Variants in OTUD7A observed in about 807,000 individuals in gnomAD.
OTUD7A encodes OTU deubiquitinase 7A, also known as OTU domain-containing protein 7A.
OTUD7A carries 12 observed loss-of-function variants against 65.7 expected under a neutral mutation model. The observed-to-expected ratio is 0.18, with a 90% CI of 0.12 to 0.30. The LOEUF (loss-of-function observed/expected upper bound fraction) is 0.30, where lower values mean the gene tolerates loss of function less well. Ranked by LOEUF, OTUD7A falls within the 10% of genes least tolerant of loss-of-function variation. The pLI, the probability that OTUD7A is intolerant of heterozygous loss-of-function variation, is 1.00. For synonymous variants in OTUD7A, 641 were observed against 586.3 expected (o/e 1.09, Z -1.35); for missense variants, 1,148 against 1,304.8 (o/e 0.88, Z 1.85).
intron 1 of OTUD7A, among the ~76,000 whole-genome samples, chr15:31,824,463 C>A (rs905756675): frequency 3.3e-5 from 5 of 152,152 alleles, no homozygotes; most frequent in African/African-American, 1.2e-4. Context: ...ACAAGACAGC[C>A]AAACAGAAAG....
In OTUD7A at chr15:31,483,989, G is replaced by A. The variant is rs2041185654; in HGVS notation, c.2107C>T (p.Arg703Cys). ...AAAATAKRPPRRPETEGVPVP... is the reference protein window; with the variant it reads ...AAAATAKRPPCRPETEGVPVP... ...GGCACGCCCTCCGTCTCCGGTCTGC[G>A]CGGCGGCCGCTTGGCCGTGGCGGCG... The change falls in exon 13 of 13, where the codon CGC (arginine) becomes TGC (cysteine). Residue 703 changes from arginine to cysteine, a missense_variant. Coordinates refer to ENST00000307050, the MANE Select transcript of OTUD7A (RefSeq NM_001382637.1). The A allele has an allele frequency of 1.8e-6, 2 of 1,122,704 alleles. No individual in the cohort carries two copies. The highest frequency in any genetic ancestry group is 3.0e-4 in the Middle Eastern group (1 of 3,296). 69.5% of individuals were successfully genotyped at this position (1,122,704 alleles called of 1,614,324 possible).
At chr15:31,581,854 C>T (rs931890227) in intron 3 of OTUD7A, among the ~76,000 whole-genome samples, 2 of 152,210 alleles carry the variant, frequency 1.3e-5, no homozygotes, top group Admixed American at 6.5e-5. Context: ...TCATTACTTA[C>T]GGAAATTTCT....
At chr15:31,544,716 C>A (rs1211729662) in intron 5 of OTUD7A, among the ~76,000 whole-genome samples, 1 of 151,838 alleles carries the variant, frequency 6.6e-6, no homozygotes, top group Non-Finnish European at 1.5e-5. Flanking sequence ...TTAACACACC[C>A]TGTTCAATAG....
chr15:31,580,323 G>T (rs1332392708), intron 3 of OTUD7A, among the ~76,000 whole-genome samples: 1 of 152,144 alleles, frequency 6.6e-6, no homozygotes, highest in Non-Finnish European at 1.5e-5. Flanking sequence ...GTACAGTGGG[G>T]TTTAGATTTG....
intron 1 of OTUD7A, among the ~76,000 whole-genome samples, chr15:31,860,622 G>GATAAATATACATATATATAT (rs59869625): frequency 0.019 from 516 of 26,848 alleles, 37 homozygotes; most frequent in African/African-American, 0.034. Flanking sequence ...CAGAAGTGGA[G>GATAAATATACATATATATAT]ATATATATAT....
rs374068470 is a variant in OTUD7A, at chr15:31,846,659, C to T, written c.-100+23848G>A. ...CATCAATATCCAGTTCAACAACCAC[C>T]GCACATTCAACACAGTGTCACATGG... On this transcript the variant is annotated intron_variant, in intron 1 of 12. Transcript: ENST00000307050. Among the ~76,000 whole-genome samples the T allele has an allele frequency of 2.8e-4, 43 of 152,206 alleles. No homozygotes were observed. The South Asian group carries it at 7.5e-3, about 26-fold the overall frequency.
In OTUD7A at chr15:31,863,654, C is replaced by T. The variant is rs978918577; in HGVS notation, c.-100+6853G>A. Among the ~76,000 whole-genome samples, 41 of 152,144 alleles carry T rather than the reference C, an allele frequency of 2.7e-4. 1 individual carries two copies. The highest frequency in any genetic ancestry group is 2.0e-4 in the Admixed American group (3 of 15,274). ...CTGCACACAGCTCGGGGACCCTGGG[C>T]CCAGTCCATGAAACCACTTTTTCCT... On this transcript the variant is annotated intron_variant, in intron 1 of 12. Transcript: ENST00000307050.
At chr15:31,559,231 GTAGGTGTGGCT>G in intron 4 of OTUD7A, 44 bp from the exon 5 acceptor site, 1 of 1,567,614 alleles carries the variant, frequency 6.4e-7, no homozygotes, top group Non-Finnish European at 8.7e-7. Flanking sequence ...CTGAGTGGGT[GTAGGTGTGGCT>G]CTATGTACAT....
chr15:31,842,417 G>C (rs574563878), intron 1 of OTUD7A, among the ~76,000 whole-genome samples: 2 of 152,288 alleles, frequency 1.3e-5, no homozygotes, highest in East Asian at 1.9e-4. Flanking sequence ...TAGCAAGAGG[G>C]AGTGCCTCTC....
At chr15:31,807,103 C>T (rs1896289860) in intron 1 of OTUD7A, among the ~76,000 whole-genome samples, 1 of 152,236 alleles carries the variant, frequency 6.6e-6, no homozygotes, top group African/African-American at 2.4e-5. Context: ...TTTGTCAGTT[C>T]CTATGTGCCT....
chr15:31,611,160 T>C (rs1890408210), intron 3 of OTUD7A, among the ~76,000 whole-genome samples: 1 of 151,780 alleles, frequency 6.6e-6, no homozygotes, highest in African/African-American at 2.4e-5. Context: ...AAGGAGGTGC[T>C]AAGAGGAAAC....
At chr15:31,784,756 C>T (rs142199429) in intron 1 of OTUD7A, among the ~76,000 whole-genome samples, 85 of 152,122 alleles carry the variant, frequency 5.6e-4, no homozygotes, top group African/African-American at 1.9e-3. Context: ...CCAAAAGCAG[C>T]GGGCTTTGTA....
intron 3 of OTUD7A, among the ~76,000 whole-genome samples, chr15:31,626,729 C>T (rs1890964445): frequency 6.6e-6 from 1 of 151,990 alleles, no homozygotes; most frequent in African/African-American, 2.4e-5. Context: ...GTGTGTGCCA[C>T]CATACCTGGT....
chr15:31,822,984 G>A (rs897542066), intron 1 of OTUD7A, among the ~76,000 whole-genome samples: 2 of 152,018 alleles, frequency 1.3e-5, no homozygotes, highest in East Asian at 1.9e-4. Context: ...GAGTAAAATG[G>A]GGCAAAAAAA....
chr15:31,835,240 T>C (rs746723034), intron 1 of OTUD7A, among the ~76,000 whole-genome samples: 6 of 152,254 alleles, frequency 3.9e-5, no homozygotes, highest in Non-Finnish European at 7.3e-5. Flanking sequence ...GGATGTCCAA[T>C]TCATCTTGAA....
chr15:31,819,062 T>G (rs1228764600), intron 1 of OTUD7A, among the ~76,000 whole-genome samples: 1 of 151,818 alleles, frequency 6.6e-6, no homozygotes, highest in Non-Finnish European at 1.5e-5. Context: ...ATGAATGGAG[T>G]GGTCCATGCA....
intron 5 of OTUD7A, among the ~76,000 whole-genome samples, chr15:31,531,110 A>T (rs907182216): frequency 6.6e-6 from 1 of 152,190 alleles, no homozygotes; most frequent in Non-Finnish European, 1.5e-5. Context: ...AATTTCCTTG[A>T]ACACAGCTTT....
intron 1 of OTUD7A, among the ~76,000 whole-genome samples, chr15:31,746,854 G>A (rs1484317740): frequency 5.9e-5 from 9 of 152,176 alleles, no homozygotes; most frequent in Admixed American, 5.2e-4. Flanking sequence ...TAGAAAACTT[G>A]TTGCTTTTGG....
chr15:31,751,220 T>C (rs748629665), intron 1 of OTUD7A, among the ~76,000 whole-genome samples: 5 of 151,388 alleles, frequency 3.3e-5, no homozygotes, highest in Non-Finnish European at 7.4e-5. Flanking sequence ...AACAAATCAA[T>C]AAGCAAGGAA....
Sources: gnomAD v4.1 joint callset for allele counts (sites outside exome capture counted in the v4.1 genomes callset) on GRCh38, gnomAD v4.1.1 for gene constraint, MANE v1.5 for transcripts, NCBI Gene and HGNC (gene_info 2026-07-23, HGNC 2026-07-21) for gene names.